The following NET1 variants were observed in gnomAD, a reference collection of about 807,000 sequenced individuals.
NET1 encodes neuroepithelial cell-transforming gene 1 protein.
A neutral mutation model predicts 61.1 loss-of-function variants in NET1; 42 were observed. That is an observed-to-expected ratio of 0.69 (90% CI 0.54 to 0.89). The LOEUF (loss-of-function observed/expected upper bound fraction) is 0.89. Among genes scored for constraint, NET1 ranks in the 40% least tolerant of loss-of-function variants. NET1 has a pLI of 0.00. For synonymous variants in NET1, 254 were observed against 281.8 expected (o/e 0.90, Z 0.99); for missense variants, 654 against 747.3 (o/e 0.88, Z 1.46).
At chr10:5,429,070 A>T in intron 2 of NET1, 100 bp from the exon 3 acceptor site, 1 of 886,824 alleles carries the variant, frequency 1.1e-6, no homozygotes, top group South Asian at 1.7e-5. Context: ...CCAAAGGCTT[A>T]ACTTTTTTAA....
chr10:5,447,174 T>C lies in NET1; in HGVS notation c.256-4656T>C, dbSNP rs1588436961. 1.3e-5 allele frequency among the ~76,000 whole-genome samples: 2 copies of C among 152,350 alleles called. No homozygotes were observed. Among genetic ancestry groups the C allele is most frequent in the South Asian group, 4.1e-4 (2 of 4,830 alleles). ...ATTGTTTTTTTAACTTGAATTGATATCATCCAGTCTTAGAAACTACCTTAA... is the reference window on the plus strand; with the variant it reads ...ATTGTTTTTTTAACTTGAATTGATACCATCCAGTCTTAGAAACTACCTTAA... On this transcript the variant is annotated intron_variant, in intron 3 of 11. Coordinates refer to ENST00000355029, the MANE Select transcript of NET1 (RefSeq NM_001047160.3). The surrounding 1 kb of genome is among the most constrained non-coding windows in gnomAD (Gnocchi z 4.1).
rs1466351536 is a variant in NET1, at chr10:5,452,541, G to A, written c.531+16G>A. 10 of 1,584,568 alleles carry A rather than the reference G, an allele frequency of 6.3e-6. No homozygotes were observed. Among genetic ancestry groups the A allele is most frequent in the Non-Finnish European group, 8.6e-6 (10 of 1,166,106 alleles). Reference sequence around the variant, plus strand: ...ACGGCAGGAGGTATGCTGGCACTCAGTGTACATGTTTTCCCAAAAGAACAG... The same window carrying A: ...ACGGCAGGAGGTATGCTGGCACTCAATGTACATGTTTTCCCAAAAGAACAG... On this transcript the variant is annotated intron_variant, in intron 5 of 11. Transcript: ENST00000355029. This position sits in a 1 kb window ranked among gnomAD's most constrained non-coding sequence, Gnocchi z 4.0.
rs1171358433 is a variant in NET1, at chr10:5,446,776, A to G, written c.256-5054A>G. 6.2e-7 allele frequency: 1 copy of G among 1,604,638 alleles called. No individual in the cohort carries two copies. On this transcript the variant is annotated intron_variant, in intron 3 of 11. Transcript: ENST00000355029. The surrounding 1 kb of genome is among the most constrained non-coding windows in gnomAD (Gnocchi z 5.0). ...GAGTACTTGGGAAGCATGGTGGCAC[A>G]TGATGAGACTGGAGGTCTCCTACCT...
At position 5,441,781 on chromosome 10, in the gene NET1, C is replaced by T. The variant is rs554495181; in HGVS notation, c.256-10049C>T. Among the ~76,000 whole-genome samples the T allele has an allele frequency of 3.9e-4, 59 of 152,260 alleles. No individual in the cohort carries two copies. Among genetic ancestry groups the T allele is most frequent in the South Asian group, 2.9e-3 (14 of 4,822 alleles). On this transcript the variant is annotated intron_variant, in intron 3 of 11. Coordinates refer to ENST00000355029, the MANE Select transcript of NET1 (RefSeq NM_001047160.3). The surrounding 1 kb of genome is among the most constrained non-coding windows in gnomAD (Gnocchi z 4.6). Reference sequence around the variant, plus strand: ...ATATAACTTCATTACTAATTTCTTTCGTACTTATCCAGTTCAAATGTAACT... The same window carrying T: ...ATATAACTTCATTACTAATTTCTTTTGTACTTATCCAGTTCAAATGTAACT...
chr10:5,446,479 C>A lies in NET1; in HGVS notation c.256-5351C>A. The stretch of plus-strand genomic sequence containing the variant: ...GCTTCACTCTCCTCCTGGGCGAAAG[C>A]TGAGAGGCCTAGGTGTGCCCAGCTC... On this transcript the variant is annotated intron_variant, in intron 3 of 11. Transcript: ENST00000355029. The surrounding 1 kb of genome is among the most constrained non-coding windows in gnomAD (Gnocchi z 5.0). The A allele has an allele frequency of 1.2e-6, 1 of 829,222 alleles. No individual in the cohort carries two copies. The highest frequency in any genetic ancestry group is 1.5e-6 in the Non-Finnish European group (1 of 669,570). 51.4% of individuals were successfully genotyped at this position (829,222 alleles called of 1,614,324 possible).
In NET1 at chr10:5,441,763, T is replaced by A. The variant is rs1832527616; in HGVS notation, c.256-10067T>A. Among the ~76,000 whole-genome samples the A allele has an allele frequency of 1.3e-5, 2 of 152,214 alleles. No individual in the cohort carries two copies. Among genetic ancestry groups the A allele is most frequent in the South Asian group, 2.1e-4 (1 of 4,826 alleles). On this transcript the variant is annotated intron_variant, in intron 3 of 11. Coordinates refer to ENST00000355029, the MANE Select transcript of NET1 (RefSeq NM_001047160.3). This position sits in a 1 kb window ranked among gnomAD's most constrained non-coding sequence, Gnocchi z 4.6. ...CTTGGAGATTCAAATCACATATAACTTCATTACTAATTTCTTTCGTACTTA... is the reference window on the plus strand; with the variant it reads ...CTTGGAGATTCAAATCACATATAACATCATTACTAATTTCTTTCGTACTTA...
chr10:5,412,678 C>T lies in NET1; in HGVS notation c.-15C>T. The T allele has an allele frequency of 4.8e-6, 7 of 1,465,182 alleles. No homozygotes were observed. The highest frequency in any genetic ancestry group is 1.3e-5 in the South Asian group (1 of 75,526). The allele number at this position is 1,465,182 out of a possible 1,614,324, so 90.8% of individuals were successfully genotyped here. Reference sequence around the variant, plus strand: ...CCCGGGCACCCGGCCACCGCCCCACCCCCTCCTCCGTGCCATGGAGCCCGA... The same window carrying T: ...CCCGGGCACCCGGCCACCGCCCCACTCCCTCCTCCGTGCCATGGAGCCCGA... On this transcript the variant is annotated 5_prime_UTR_variant, in exon 1 of 12. Transcript: ENST00000355029. The surrounding 1 kb of genome is among the most constrained non-coding windows in gnomAD (Gnocchi z 6.5).
Position 5,435,476 on chromosome 10 carries a change from G to T in NET1, c.255+6247G>T, listed in dbSNP as rs1832412456. 3.2e-4 allele frequency among the ~76,000 whole-genome samples: 1 copy of T among 3,166 alleles called. No homozygotes were observed. Among genetic ancestry groups the T allele is most frequent in the African/African-American group, 5.1e-4 (1 of 1,956 alleles). 2.1% of individuals were successfully genotyped at this position (3,166 alleles called of 152,430 possible). On this transcript the variant is annotated intron_variant, in intron 3 of 11. Coordinates refer to ENST00000355029, the MANE Select transcript of NET1 (RefSeq NM_001047160.3). The surrounding 1 kb of genome is among the most constrained non-coding windows in gnomAD (Gnocchi z 5.0). ...CTACTTTATATGCCTCCGTGCCTGA[G>T]ATAGATAGATAGATAGATAGATAGA...
At chr10:5,419,699 T>G (rs373664074) in intron 1 of NET1, among the ~76,000 whole-genome samples, 1 of 116,756 alleles carries the variant, frequency 8.6e-6, no homozygotes, top group Non-Finnish European at 1.8e-5. Context: ...TTGTTTTTTT[T>G]CTTTGTTTTG....
Position 5,447,489 on chromosome 10 carries a change from T to C in NET1, c.256-4341T>C, listed in dbSNP as rs560667689. Among the ~76,000 whole-genome samples the C allele has an allele frequency of 4.6e-5, 7 of 152,360 alleles. No homozygotes were observed. Among genetic ancestry groups the C allele is most frequent in the Admixed American group, 1.3e-4 (2 of 15,308 alleles). ...AATCTTGATTTAACATTGTGTGATATTCTGTTTATACTATATACTTTAATA... is the reference window on the plus strand; with the variant it reads ...AATCTTGATTTAACATTGTGTGATACTCTGTTTATACTATATACTTTAATA... On this transcript the variant is annotated intron_variant, in intron 3 of 11. Coordinates refer to ENST00000355029, the MANE Select transcript of NET1 (RefSeq NM_001047160.3). The surrounding 1 kb of genome is among the most constrained non-coding windows in gnomAD (Gnocchi z 4.1).
chr10:5,449,344 C>G lies in NET1; in HGVS notation c.256-2486C>G, dbSNP rs1832668697. On this transcript the variant is annotated intron_variant, in intron 3 of 11. Coordinates refer to ENST00000355029, the MANE Select transcript of NET1 (RefSeq NM_001047160.3). The surrounding 1 kb of genome is among the most constrained non-coding windows in gnomAD (Gnocchi z 4.4). ...ATCCCCAAAAGCATGTGAAAAAGTG[C>G]AAAGTGCCCTCCTCCTTTCTCTCCC... Among the ~76,000 whole-genome samples the G allele has an allele frequency of 6.6e-6, 1 of 152,098 alleles. No individual in the cohort carries two copies. Among genetic ancestry groups the G allele is most frequent in the Non-Finnish European group, 1.5e-5 (1 of 68,022 alleles).
In NET1 at chr10:5,452,100, G is replaced by A. The variant is rs1312756444; in HGVS notation, c.363+163G>A. Reference sequence around the variant, plus strand: ...GAATATTGTTCCAGAACAATGTGTAGCCTCATTATATTAATTTGCATCTTA... The same window carrying A: ...GAATATTGTTCCAGAACAATGTGTAACCTCATTATATTAATTTGCATCTTA... On this transcript the variant is annotated intron_variant, in intron 4 of 11. Transcript: ENST00000355029. This position sits in a 1 kb window ranked among gnomAD's most constrained non-coding sequence, Gnocchi z 4.0. 2.6e-5 allele frequency among the ~76,000 whole-genome samples: 4 copies of A among 152,096 alleles called. No homozygotes were observed. The highest frequency in any genetic ancestry group is 4.1e-4 in the South Asian group (2 of 4,824).
rs776224498 is a variant in NET1 at position 5,453,352 on chromosome 10, A to G, written c.691+6A>G. On this transcript the variant is annotated splice_donor_region_variant and intron_variant, in intron 7 of 11. Coordinates refer to ENST00000355029, the MANE Select transcript of NET1 (RefSeq NM_001047160.3). This position sits in a 1 kb window ranked among gnomAD's most constrained non-coding sequence, Gnocchi z 4.9. The stretch of plus-strand genomic sequence containing the variant: ...TTACATACCTCTGCATGAAGGTTAG[A>G]TGTGCCACTTAATTGTCATTAAATC... 1.9e-6 allele frequency: 3 copies of G among 1,596,472 alleles called. No individual in the cohort carries two copies. Among genetic ancestry groups the G allele is most frequent in the South Asian group, 1.1e-5 (1 of 90,708 alleles).
chr10:5,455,180 G>A lies in NET1; in HGVS notation c.1197+62G>A, dbSNP rs1832776687. 1.2e-5 allele frequency: 19 copies of A among 1,521,074 alleles called. No individual in the cohort carries two copies. In the Admixed American group the frequency reaches 1.7e-4, roughly 14 times the overall value. 94.2% of individuals were successfully genotyped at this position (1,521,074 alleles called of 1,614,324 possible). A position where few individuals can be genotyped will look rare whatever the true frequency, so the allele number is the denominator to read the frequency against. On this transcript the variant is annotated intron_variant, in intron 10 of 11. Coordinates refer to ENST00000355029, the MANE Select transcript of NET1 (RefSeq NM_001047160.3). The surrounding 1 kb of genome is among the most constrained non-coding windows in gnomAD (Gnocchi z 6.5). ...CCTCCTGCCTCTTTAACTTTTACAC[G>A]TTTGTTATGAAGCAGGCTTGTAAAG...
chr10:5,453,684 C>A lies in NET1; in HGVS notation c.768+124C>A. On this transcript the variant is annotated intron_variant, in intron 8 of 11. Transcript: ENST00000355029. This position sits in a 1 kb window ranked among gnomAD's most constrained non-coding sequence, Gnocchi z 4.9. The stretch of plus-strand genomic sequence containing the variant: ...TCTACAAACACATAAGGCGTTAAAA[C>A]TGAACAAATTTACAGTGACATAAGA... The A allele has an allele frequency of 1.3e-6, 1 of 791,050 alleles. No individual in the cohort carries two copies. Among genetic ancestry groups the A allele is most frequent in the Non-Finnish European group, 2.1e-6 (1 of 473,954 alleles). 49.0% of individuals were successfully genotyped at this position (791,050 alleles called of 1,614,324 possible). A position where few individuals can be genotyped will look rare whatever the true frequency, so the allele number is the denominator to read the frequency against.
rs947978244 is a variant in NET1 at position 5,435,769 on chromosome 10, C to T, written c.255+6540C>T. On this transcript the variant is annotated intron_variant, in intron 3 of 11. Transcript: ENST00000355029. This position sits in a 1 kb window ranked among gnomAD's most constrained non-coding sequence, Gnocchi z 5.0. ...GATCATTAGCTATTTTGTCTTGAAG[C>T]TGTGATTGTTTATCAAATTTTTCTC... 1.3e-4 allele frequency among the ~76,000 whole-genome samples: 20 copies of T among 152,102 alleles called. No homozygotes were observed. The highest frequency in any genetic ancestry group is 4.6e-4 in the African/African-American group (19 of 41,424).
Position 5,456,860 on chromosome 10 carries a change from G to A in NET1, c.1657G>A (p.Ala553Thr), listed in dbSNP as rs150193970. ...SVTQVEVDEN[A>T]YRCGSGMQMA... Reference sequence around the variant, plus strand: ...TACTCAGGTAGAAGTTGATGAAAACGCTTACAGATGTGGCTCTGGCATGCA... The same window carrying A: ...TACTCAGGTAGAAGTTGATGAAAACACTTACAGATGTGGCTCTGGCATGCA... The change falls in exon 12 of 12, where the codon GCT becomes ACT. Residue 553 changes from alanine to threonine, a missense_variant. Coordinates refer to ENST00000355029, the MANE Select transcript of NET1 (RefSeq NM_001047160.3). This position sits in a 1 kb window ranked among gnomAD's most constrained non-coding sequence, Gnocchi z 7.0. 9.9e-6 allele frequency: 16 copies of A among 1,613,972 alleles called. No homozygotes were observed. The highest frequency in any genetic ancestry group is 6.7e-5 in the East Asian group (3 of 44,892).
Position 5,457,126 on chromosome 10 carries a change from C to T in NET1, c.*132C>T. 4 of 831,926 alleles carry T rather than the reference C, an allele frequency of 4.8e-6. No homozygotes were observed. Among genetic ancestry groups the T allele is most frequent in the South Asian group, 4.5e-5 (1 of 22,178 alleles). 51.5% of individuals were successfully genotyped at this position (831,926 alleles called of 1,614,324 possible). On this transcript the variant is annotated 3_prime_UTR_variant, in exon 12 of 12. Transcript: ENST00000355029. This position sits in a 1 kb window ranked among gnomAD's most constrained non-coding sequence, Gnocchi z 5.4. Reference sequence around the variant, plus strand: ...AACATTTTCATTGTTTTTGGTTGTTCTTTTTTCTTTTTTTAATGGCAGCTA... The same window carrying T: ...AACATTTTCATTGTTTTTGGTTGTTTTTTTTTCTTTTTTTAATGGCAGCTA...
chr10:5,434,539 AG>A (rs1832396230), intron 3 of NET1, among the ~76,000 whole-genome samples: 1 of 152,114 alleles, frequency 6.6e-6, no homozygotes. Context: ...TCCTGTTCCC[AG>A]GGCCATCAGA....
Sources: gnomAD v4.1 joint callset for allele counts (sites outside exome capture counted in the v4.1 genomes callset) on GRCh38, gnomAD v4.1.1 for gene constraint, Gnocchi (gnomAD v3.1) non-coding constraint, MANE v1.5 for transcripts, NCBI Gene and HGNC (gene_info 2026-07-23, HGNC 2026-07-21) for gene names.